The following SNRPN variants were observed in gnomAD, a reference collection of about 807,000 sequenced individuals.
The protein encoded by SNRPN is small nuclear ribonucleoprotein-associated protein N.
SNRPN carries 7 observed loss-of-function variants against 25.2 expected under a neutral mutation model. The observed-to-expected ratio is 0.28, with a 90% CI of 0.16 to 0.52. The LOEUF is 0.52. Ranked by LOEUF, SNRPN falls within the 20% of genes least tolerant of loss-of-function variation. SNRPN has a pLI of 0.96. For missense variants in SNRPN, 196 were observed against 322.5 expected (o/e 0.61, Z 3.00); for synonymous variants, 124 against 110.6 (o/e 1.12, Z -0.76).
rs139696701 is a variant in SNRPN, at chr15:24,937,506, G to A, written c.-391+17382G>A. ...CCACTGTACTCTAGCCTGGATGACA[G>A]AGCAAGACTGTCTCTAAAAATTTTT... On this transcript the variant is annotated intron_variant, in intron 3 of 11. Transcript: ENST00000400097. Among the ~76,000 whole-genome samples the A allele has an allele frequency of 4.1e-3, 627 of 152,164 alleles. 15 individuals carry two copies. Among genetic ancestry groups the A allele is most frequent in the Admixed American group, 0.037 (569 of 15,282 alleles).
chr15:24,838,574 T>C (rs2051419439), intron 2 of SNRPN, among the ~76,000 whole-genome samples: 1 of 152,006 alleles, frequency 6.6e-6, no homozygotes, highest in African/African-American at 2.4e-5. Flanking sequence ...CCTCCCTGGG[T>C]CTCAGATCTT....
chr15:24,864,478 G>T (rs538603757), intron 1 of SNRPN, among the ~76,000 whole-genome samples: 1 of 150,746 alleles, frequency 6.6e-6, no homozygotes, highest in South Asian at 2.1e-4. Flanking sequence ...CTAGTAGCTG[G>T]GATTACAGGC....
At chr15:24,860,333 G>GA in intron 1 of SNRPN, among the ~76,000 whole-genome samples, 1 of 144,468 alleles carries the variant, frequency 6.9e-6, no homozygotes, top group South Asian at 2.2e-4. Context: ...ATACAAACTG[G>GA]TATTTATTTA....
chr15:24,918,136 C>G (rs1477633021), intron 2 of SNRPN, among the ~76,000 whole-genome samples: 1 of 151,630 alleles, frequency 6.6e-6, no homozygotes, highest in Non-Finnish European at 1.5e-5. Flanking sequence ...TCTGTATGTG[C>G]ATATGTGTAT....
intron 2 of SNRPN, among the ~76,000 whole-genome samples, chr15:24,912,767 A>G (rs1247388869): frequency 1.3e-5 from 2 of 152,104 alleles, no homozygotes; most frequent in Non-Finnish European, 2.9e-5. Context: ...CCCATTCACC[A>G]TGTGAGGACA....
chr15:24,853,641 C>T (rs904207916), upstream of SNRPN, among the ~76,000 whole-genome samples: 1 of 152,182 alleles, frequency 6.6e-6, no homozygotes, highest in African/African-American at 2.4e-5. Context: ...GATCTGCCCA[C>T]CTCGGCCTCC....
chr15:24,854,434 A>T (rs1019661117), upstream of SNRPN, among the ~76,000 whole-genome samples: 1 of 152,214 alleles, frequency 6.6e-6, no homozygotes, highest in African/African-American at 2.4e-5. Flanking sequence ...AACGAATTAG[A>T]TAGAGAACTG....
At chr15:24,841,832 G>C (rs2051732197) in intron 2 of SNRPN, among the ~76,000 whole-genome samples, 1 of 152,118 alleles carries the variant, frequency 6.6e-6, no homozygotes, top group Non-Finnish European at 1.5e-5. Context: ...CCTCTCTCTA[G>C]TTTCTTCTTG....
In SNRPN at chr15:24,909,875, C is replaced by T. The variant is rs2059101288; in HGVS notation, c.-504-10136C>T. ...ACAGCTCAACAGAGACCAGCAGGCA[C>T]AGCGGCGCTGGGGCAGGGAGAAGGG... is the stretch of plus-strand genomic sequence containing the variant. On this transcript the variant is annotated intron_variant, in intron 2 of 11. Transcript: ENST00000400097. 3 of 748,882 alleles carry T rather than the reference C, an allele frequency of 4.0e-6. No homozygotes were observed. In the South Asian group the frequency reaches 4.5e-5, roughly 11 times the overall value. The allele number at this position is 748,882 out of a possible 1,614,324, so 46.4% of individuals were successfully genotyped here.
At chr15:24,835,841 T>C (rs565663157) in intron 2 of SNRPN, among the ~76,000 whole-genome samples, 1 of 152,210 alleles carries the variant, frequency 6.6e-6, no homozygotes, top group Admixed American at 6.5e-5. Flanking sequence ...TTCTTTATTT[T>C]TTTAAGAGAG....
At chr15:24,928,745 A>G (rs2152800445) in intron 3 of SNRPN, among the ~76,000 whole-genome samples, 1 of 152,150 alleles carries the variant, frequency 6.6e-6, no homozygotes, top group Middle Eastern at 3.4e-3. Flanking sequence ...TGGAGTAGCT[A>G]CAGGCACATG....
chr15:24,861,715 GAATAAAATATCATTTTGAGAGCCATGACT>G (rs1384410972), intron 1 of SNRPN, among the ~76,000 whole-genome samples: 1 of 152,022 alleles, frequency 6.6e-6, no homozygotes, highest in East Asian at 1.9e-4. Context: ...TTCCTTGACA[GAATAAAATATCATTTTGAGAGCCATGACT>G]AATAAACACA....
In SNRPN at chr15:24,894,122, G is replaced by A. The variant is rs59645011; in HGVS notation, c.-505+7533G>A. Among the ~76,000 whole-genome samples, 583 of 152,268 alleles carry A rather than the reference G, an allele frequency of 3.8e-3. 13 individuals are homozygous for A. The highest frequency in any genetic ancestry group is 0.033 in the East Asian group (170 of 5,168). On this transcript the variant is annotated intron_variant, in intron 2 of 11. Transcript: ENST00000400097. ...TTGCAACCCACATGTCTGTCCAGCT[G>A]TATTCCCACAGCCCCCCAACCTGAT...
At chr15:24,897,931 C>T (rs2058180925) in intron 2 of SNRPN, among the ~76,000 whole-genome samples, 1 of 152,112 alleles carries the variant, frequency 6.6e-6, no homozygotes, top group African/African-American at 2.4e-5. Flanking sequence ...TCAACTAATA[C>T]ACCCTGTATT....
At chr15:24,893,123 G>C (rs548703591) in intron 2 of SNRPN, among the ~76,000 whole-genome samples, 1 of 152,206 alleles carries the variant, frequency 6.6e-6, no homozygotes, top group Non-Finnish European at 1.5e-5. Flanking sequence ...CAGGAGAATT[G>C]CTTGAATCTG....
intron 2 of SNRPN, among the ~76,000 whole-genome samples, chr15:24,919,775 G>C (rs375182762): frequency 3.9e-5 from 6 of 152,180 alleles, no homozygotes; most frequent in Non-Finnish European, 8.8e-5. Context: ...GCTAAAGCTG[G>C]ATTTGACAAG....
At position 24,955,063 on chromosome 15, in the gene SNRPN, G is replaced by C. The variant is rs1163814390; in HGVS notation, c.-391+1G>C. The C allele has an allele frequency of 1.2e-6, 2 of 1,613,528 alleles. No homozygotes were observed. The highest frequency in any genetic ancestry group is 1.3e-5 in the African/African-American group (1 of 75,046). On this transcript the variant is annotated splice_donor_variant, in intron 1 of 9. Transcript: ENST00000390687. LOFTEE classifies it low-confidence loss of function (5UTR_SPLICE). The stretch of plus-strand genomic sequence containing the variant: ...TCAGTGACGCGATGGAGCGGGCAAG[G>C]TCAGCTGTGCCGGTGGCTTCTCTCA...
intron 2 of SNRPN, among the ~76,000 whole-genome samples, chr15:24,895,601 C>A (rs1483006957): frequency 2.0e-5 from 3 of 152,054 alleles, no homozygotes; most frequent in Non-Finnish European, 4.4e-5. Flanking sequence ...TCATTTAACA[C>A]CCATGCCTCA....
At chr15:24,852,643 G>T (rs535698031), upstream of SNRPN, among the ~76,000 whole-genome samples, 1 of 152,186 alleles carries the variant, frequency 6.6e-6, no homozygotes. Context: ...AGGGCTGGAC[G>T]CAGTGGCTTA....
Sources: gnomAD v4.1 joint callset for allele counts (sites outside exome capture counted in the v4.1 genomes callset) on GRCh38, gnomAD v4.1.1 for gene constraint, MANE v1.5 for transcripts, NCBI Gene and HGNC (gene_info 2026-07-23, HGNC 2026-07-21) for gene names.